The following ZNF804B variants were observed in gnomAD, a reference collection of about 807,000 sequenced individuals.
ZNF804B encodes the protein zinc finger 804B.
A neutral mutation model predicts 101.4 loss-of-function variants in ZNF804B; 80 were observed. The observed-to-expected ratio is 0.79, with a 90% CI of 0.66 to 0.95. The LOEUF (loss-of-function observed/expected upper bound fraction) is 0.95. Among genes scored for constraint, ZNF804B ranks in the 40% least tolerant of loss-of-function variants. The probability of loss-of-function intolerance (pLI) is 0.00; values close to 1 mark genes in which losing one functional copy is unlikely to be tolerated. For missense variants in ZNF804B, 1,673 were observed against 1,561.9 expected, an observed-to-expected ratio of 1.07 and a Z score of -1.20; for synonymous variants, 622 against 558.8, an observed-to-expected ratio of 1.11 and a Z score of -1.59.
intron 1 of ZNF804B, among the ~76,000 whole-genome samples, chr7:88,992,793 T>C (rs1043759108): frequency 1.3e-5 from 2 of 152,178 alleles, no homozygotes; most frequent in Non-Finnish European, 1.5e-5. Flanking sequence ...ACTTTTAGAA[T>C]TCTGCCTAAA....
intron 1 of ZNF804B, among the ~76,000 whole-genome samples, chr7:88,824,251 G>T (rs765044592): frequency 2.0e-5 from 3 of 152,134 alleles, no homozygotes; most frequent in Non-Finnish European, 4.4e-5. Flanking sequence ...CCCACATGTT[G>T]TGGAAGGGAC....
chr7:88,895,453 T>C (rs1166659579), intron 1 of ZNF804B, among the ~76,000 whole-genome samples: 1 of 152,214 alleles, frequency 6.6e-6, no homozygotes, highest in African/African-American at 2.4e-5. Context: ...TATAGGTATG[T>C]GCTAGTATGC....
At chr7:89,099,680 C>A (rs576439405) in intron 1 of ZNF804B, among the ~76,000 whole-genome samples, 8 of 152,274 alleles carry the variant, frequency 5.3e-5, no homozygotes, top group Admixed American at 2.0e-4. Context: ...AGGGAAATTT[C>A]TCAGTAACGG....
intron 1 of ZNF804B, among the ~76,000 whole-genome samples, chr7:88,989,406 C>T (rs1026564966): frequency 2.6e-5 from 4 of 152,070 alleles, no homozygotes; most frequent in African/African-American, 7.2e-5. Context: ...CACTGAGCCA[C>T]GTTGGCATCT....
At chr7:89,207,998 G>A (rs1584054667) in intron 1 of ZNF804B, among the ~76,000 whole-genome samples, 1 of 151,762 alleles carries the variant, frequency 6.6e-6, no homozygotes, top group Non-Finnish European at 1.5e-5. Context: ...GAAACTGATA[G>A]TCTTTCCATT....
intron 1 of ZNF804B, among the ~76,000 whole-genome samples, chr7:88,959,194 C>T (rs1391805977): frequency 6.6e-6 from 1 of 151,362 alleles, no homozygotes; most frequent in Non-Finnish European, 1.5e-5. Context: ...TTATGTAGTA[C>T]ACATTTCTTA....
At chr7:89,251,721 A>T (rs932806328) in intron 2 of ZNF804B, among the ~76,000 whole-genome samples, 1 of 152,184 alleles carries the variant, frequency 6.6e-6, no homozygotes, top group Non-Finnish European at 1.5e-5. Flanking sequence ...AGAAAGACCA[A>T]TGGAACACAA....
At position 89,333,980 on chromosome 7, in the gene ZNF804B, A is replaced by C. The variant is rs1584131484; in HGVS notation, c.998A>C (p.Asp333Ala). ...SFSKSNIHLS[D>A]VDFTPTSREK... is the part of the protein sequence containing the mutation. ...TCTAAATCTAACATTCATCTTTCAG[A>C]TGTAGATTTTACTCCTACCAGCAGA... Residue 333 changes from aspartate to alanine, a missense_variant, in exon 4 of 4, where the codon GAT (aspartate) becomes GCT (alanine). By Grantham distance (126) the Asp-to-Ala change is moderately radical (BLOSUM62 -2). Coordinates refer to ENST00000333190, the MANE Select transcript of ZNF804B (RefSeq NM_181646.5). 6.8e-6 allele frequency: 11 copies of C among 1,613,396 alleles called. No homozygotes were observed. In the East Asian group the frequency reaches 2.5e-4, roughly 36 times the overall value.
chr7:89,021,587 G>C (rs1166580040), intron 1 of ZNF804B, among the ~76,000 whole-genome samples: 1 of 152,310 alleles, frequency 6.6e-6, no homozygotes, highest in Middle Eastern at 3.4e-3. Context: ...GGCCAGTCTG[G>C]TGGCATGTTT....
intron 1 of ZNF804B, among the ~76,000 whole-genome samples, chr7:89,025,773 A>C (rs565823225): frequency 1.1e-4 from 17 of 152,094 alleles, no homozygotes; most frequent in Non-Finnish European, 1.8e-4. Flanking sequence ...TTTTGTTTCC[A>C]CAGTGATTCA....
chr7:89,260,866 C>A (rs1360527131), intron 2 of ZNF804B, among the ~76,000 whole-genome samples: 2 of 152,156 alleles, frequency 1.3e-5, no homozygotes, highest in African/African-American at 4.8e-5. Context: ...CATGAGTTTT[C>A]TCTGCTTCTT....
intron 1 of ZNF804B, among the ~76,000 whole-genome samples, chr7:88,873,423 T>C (rs1045086290): frequency 2.0e-5 from 3 of 152,194 alleles, no homozygotes; most frequent in African/African-American, 7.2e-5. Context: ...GTAGGTTGCC[T>C]GTTCACTCTG....
At chr7:89,108,419 T>C (rs1384813986) in intron 1 of ZNF804B, among the ~76,000 whole-genome samples, 1 of 152,056 alleles carries the variant, frequency 6.6e-6, no homozygotes, top group Non-Finnish European at 1.5e-5. Context: ...TCTACATACA[T>C]GAGGAGGGAA....
At chr7:89,029,631 T>G (rs1365163238) in intron 1 of ZNF804B, among the ~76,000 whole-genome samples, 1 of 152,144 alleles carries the variant, frequency 6.6e-6, no homozygotes, top group Non-Finnish European at 1.5e-5. Context: ...GATGTAGATG[T>G]TTGGTTATTA....
intron 1 of ZNF804B, among the ~76,000 whole-genome samples, chr7:89,176,122 C>T (rs545849609): frequency 9.2e-5 from 14 of 151,840 alleles, no homozygotes; most frequent in Non-Finnish European, 1.9e-4. Flanking sequence ...AGTGAGCCTC[C>T]ATGTTGTGCT....
chr7:89,132,219 GTAAT>G (rs1206599970), intron 1 of ZNF804B, among the ~76,000 whole-genome samples: 3 of 150,388 alleles, frequency 2.0e-5, no homozygotes, highest in African/African-American at 4.9e-5. Context: ...GATGCAATGA[GTAAT>G]TAAGTGCTAC....
chr7:89,319,657 T>C (rs912428062), intron 2 of ZNF804B, among the ~76,000 whole-genome samples: 4 of 152,150 alleles, frequency 2.6e-5, no homozygotes, highest in Admixed American at 6.5e-5. Context: ...ACAGTAGCAA[T>C]GTACTTCTGA....
chr7:89,144,349 TC>T (rs1424171654), intron 1 of ZNF804B, among the ~76,000 whole-genome samples: 1 of 152,034 alleles, frequency 6.6e-6, no homozygotes, highest in African/African-American at 2.4e-5. Context: ...TAGGTGAAAG[TC>T]AGTGTTATCT....
chr7:88,975,680 G>C (rs775212647), intron 1 of ZNF804B, among the ~76,000 whole-genome samples: 1 of 151,450 alleles, frequency 6.6e-6, no homozygotes, highest in Non-Finnish European at 1.5e-5. Flanking sequence ...TTAAGCCTTT[G>C]TTGGATGGGT....
Sources: gnomAD v4.1 joint callset for allele counts (sites outside exome capture counted in the v4.1 genomes callset) on GRCh38, gnomAD v4.1.1 for gene constraint, MANE v1.5 for transcripts, NCBI Gene and HGNC (gene_info 2026-07-23, HGNC 2026-07-21) for gene names.